SMIM45: variants seen among roughly 807,000 people sequenced by gnomAD.
The protein encoded by SMIM45 is long intergenic non-protein coding RNA 634.
the SMIM45 span, among the ~76,000 whole-genome samples, chr22:41,956,686 C>T: frequency 1.3e-5 from 2 of 152,236 alleles, no homozygotes; most frequent in African/African-American, 4.8e-5. Context: ...TGAATCCTCA[C>T]TAGGACCAGT....
the SMIM45 span, chr22:41,958,639 G>T: frequency 6.6e-6 from 2 of 305,048 alleles, no homozygotes; most frequent in Non-Finnish European, 1.3e-5. Context: ...TGTCCATAGT[G>T]GGTCCCAACC....
chr22:41,949,400 C>T, the SMIM45 span, among the ~76,000 whole-genome samples: 1 of 152,268 alleles, frequency 6.6e-6, no homozygotes, highest in East Asian at 1.9e-4. Flanking sequence ...AAGAAGAGGC[C>T]TCAGGCAGAA....
the SMIM45 span, among the ~76,000 whole-genome samples, chr22:41,952,009 C>T: frequency 1.3e-5 from 2 of 152,250 alleles, no homozygotes; most frequent in African/African-American, 4.8e-5. Context: ...TGCTGTACCA[C>T]GTGCACAGTA....
the SMIM45 span, chr22:41,947,129 C>T: frequency 8.2e-6 from 13 of 1,578,312 alleles, no homozygotes; most frequent in South Asian, 1.3e-4. Flanking sequence ...TCTTTCAAAC[C>T]GCCCTGAGTC....
the SMIM45 span, chr22:41,952,363 C>G: frequency 6.6e-6 from 1 of 152,316 alleles, no homozygotes; most frequent in Non-Finnish European, 1.5e-5. Flanking sequence ...CTGAGCTGCT[C>G]AGGCTGAGGC....
the SMIM45 span, chr22:41,952,018 T>C: frequency 1.3e-5 from 2 of 152,494 alleles, no homozygotes; most frequent in Non-Finnish European, 1.5e-5. Context: ...ACGTGCACAG[T>C]ACCAGGGATC....
At chr22:41,949,747 C>T in the SMIM45 span, among the ~76,000 whole-genome samples, 2 of 152,178 alleles carry the variant, frequency 1.3e-5, no homozygotes, top group African/African-American at 4.8e-5. Flanking sequence ...GTTGGGGAGG[C>T]CATCGGGGAG....
the SMIM45 span, among the ~76,000 whole-genome samples, chr22:41,953,180 G>T: frequency 4.6e-5 from 7 of 152,202 alleles, no homozygotes; most frequent in Non-Finnish European, 2.9e-5. Context: ...GGGTAGGAGA[G>T]GGGCTCCGGA....
the SMIM45 span, among the ~76,000 whole-genome samples, chr22:41,948,829 G>C: frequency 6.6e-6 from 1 of 152,166 alleles, no homozygotes; most frequent in Non-Finnish European, 1.5e-5. Context: ...TTGGGAGGCC[G>C]AGGCGGGCGG....
the SMIM45 span, among the ~76,000 whole-genome samples, chr22:41,948,833 C>A: frequency 9.2e-5 from 14 of 152,178 alleles, no homozygotes; most frequent in Non-Finnish European, 1.8e-4. Flanking sequence ...GAGGCCGAGG[C>A]GGGCGGATCA....
At chr22:41,957,274 A>AGCTCT in the SMIM45 span, among the ~76,000 whole-genome samples, 1 of 145,672 alleles carries the variant, frequency 6.9e-6, no homozygotes, top group African/African-American at 2.6e-5. Flanking sequence ...GCCCACTGCA[A>AGCTCT]GCTCTGCTTC....
the SMIM45 span, among the ~76,000 whole-genome samples, chr22:41,951,622 C>A: frequency 2.6e-5 from 4 of 152,190 alleles, no homozygotes; most frequent in Non-Finnish European, 4.4e-5. Flanking sequence ...GGCTAGGGCT[C>A]TGACCCTGGC....
At chr22:41,952,669 T>A in the SMIM45 span, among the ~76,000 whole-genome samples, 2 of 152,202 alleles carry the variant, frequency 1.3e-5, no homozygotes, top group Non-Finnish European at 2.9e-5. Flanking sequence ...CTTTTCCACC[T>A]AGGTCAGTTC....
At chr22:41,954,650 T>C in the SMIM45 span, among the ~76,000 whole-genome samples, 498 of 152,250 alleles carry the variant, frequency 3.3e-3, no homozygotes, top group Non-Finnish European at 6.1e-3. Flanking sequence ...TGACCGCACA[T>C]AGTGTGCCAT....
the SMIM45 span, among the ~76,000 whole-genome samples, chr22:41,957,346 A>T: frequency 6.9e-6 from 1 of 145,224 alleles, no homozygotes; most frequent in Non-Finnish European, 1.5e-5. Context: ...GGCATGCGCC[A>T]CCACGCCCGG....
At chr22:41,954,853 A>G in the SMIM45 span, among the ~76,000 whole-genome samples, 1 of 152,100 alleles carries the variant, frequency 6.6e-6, no homozygotes, top group African/African-American at 2.4e-5. Flanking sequence ...TAAAAAATAC[A>G]AAAACTACCT....
At chr22:41,950,923 TA>T in the SMIM45 span, among the ~76,000 whole-genome samples, 1 of 151,458 alleles carries the variant, frequency 6.6e-6, no homozygotes, top group Admixed American at 6.6e-5. Flanking sequence ...ACCCGGGAGG[TA>T]GAGGTTGCAG....
At chr22:41,951,400 AAGG>A in the SMIM45 span, among the ~76,000 whole-genome samples, 7 of 152,178 alleles carry the variant, frequency 4.6e-5, no homozygotes, top group South Asian at 4.1e-4. Context: ...GCTCTGGGAG[AAGG>A]AGAAGGCCAG....
At chr22:41,958,516 G>C in the SMIM45 span, 1 of 381,074 alleles carries the variant, frequency 2.6e-6, no homozygotes, top group South Asian at 1.9e-5. Flanking sequence ...GAGTCTGGGG[G>C]GAGCGGGCAA....
Sources: allele counts gnomAD v4.1 joint callset (sites outside exome capture counted in the v4.1 genomes callset), GRCh38; gene constraint gnomAD v4.1.1; transcripts MANE v1.5; gene names NCBI Gene and HGNC (gene_info 2026-07-23, HGNC 2026-07-21).